HIVEP3: variants seen among roughly 807,000 people sequenced by gnomAD.
The protein encoded by HIVEP3 is HIVEP zinc finger 3.
Under a neutral mutation model 152.8 loss-of-function variants are expected in HIVEP3, and 49 were observed. That is an observed-to-expected ratio of 0.32 (90% CI 0.26 to 0.41). HIVEP3 has a LOEUF of 0.41. Ranked by LOEUF, HIVEP3 falls within the 10% of genes least tolerant of loss-of-function variation. The probability of loss-of-function intolerance (pLI) is 1.00; values close to 1 mark genes in which losing one functional copy is unlikely to be tolerated. For missense variants in HIVEP3, 2,790 were observed against 3,103.3 expected (o/e 0.90, Z 2.40); for synonymous variants, 1,269 against 1,289.0 (o/e 0.98, Z 0.33).
chr1:41,738,561 ATAG>A (rs1646951165), intron 1 of HIVEP3, among the ~76,000 whole-genome samples: 1 of 152,222 alleles, frequency 6.6e-6, no homozygotes, highest in African/African-American at 2.4e-5. Flanking sequence ...AAGCAGAAAG[ATAG>A]TAGAGTCTGA....
At chr1:41,596,050 C>T (rs1440413875) in intron 3 of HIVEP3, among the ~76,000 whole-genome samples, 5 of 152,192 alleles carry the variant, frequency 3.3e-5, no homozygotes, top group Non-Finnish European at 5.9e-5. Flanking sequence ...AATGTGGCCA[C>T]AGGAAATGTT....
intron 1 of HIVEP3, among the ~76,000 whole-genome samples, chr1:41,913,831 T>A (rs953856593): frequency 6.6e-6 from 1 of 152,206 alleles, no homozygotes; most frequent in African/African-American, 2.4e-5. Context: ...ATTTTTTCCA[T>A]ATCTTTCTAC....
intron 2 of HIVEP3, among the ~76,000 whole-genome samples, chr1:41,644,114 G>A (rs992677716): frequency 1.3e-5 from 2 of 151,906 alleles, no homozygotes; most frequent in Admixed American, 6.6e-5. Flanking sequence ...TCAAACTCCT[G>A]AGCTCAAGTG....
At chr1:41,721,488 G>A (rs188335844) in intron 1 of HIVEP3, among the ~76,000 whole-genome samples, 2 of 152,290 alleles carry the variant, frequency 1.3e-5, no homozygotes, top group Admixed American at 6.5e-5. Flanking sequence ...TTACAGATGT[G>A]AGCCACCATG....
chr1:41,817,600 T>C (rs1023494294), intron 1 of HIVEP3, among the ~76,000 whole-genome samples: 1 of 152,172 alleles, frequency 6.6e-6, no homozygotes, highest in South Asian at 2.1e-4. Flanking sequence ...CAGGAGGACC[T>C]GTGGTTCAAT....
chr1:41,528,159 T>C (rs1302719000), intron 5 of HIVEP3, among the ~76,000 whole-genome samples: 23 of 77,606 alleles, frequency 3.0e-4, no homozygotes, highest in African/African-American at 3.7e-4. Flanking sequence ...CACTCACACT[T>C]GCCCTCACAC....
At chr1:41,748,899 C>T (rs1466955744) in intron 1 of HIVEP3, among the ~76,000 whole-genome samples, 1 of 152,192 alleles carries the variant, frequency 6.6e-6, no homozygotes, top group East Asian at 1.9e-4. Context: ...TTTGAGGACT[C>T]TCAGGGGAGC....
At chr1:41,898,497 T>C (rs1644569647) in intron 1 of HIVEP3, among the ~76,000 whole-genome samples, 1 of 152,208 alleles carries the variant, frequency 6.6e-6, no homozygotes, top group Non-Finnish European at 1.5e-5. Flanking sequence ...CCATTTACCA[T>C]TACCTCCCTG....
chr1:41,722,415 T>G (rs1361619990), intron 1 of HIVEP3, among the ~76,000 whole-genome samples: 3 of 145,628 alleles, frequency 2.1e-5, no homozygotes, highest in East Asian at 2.0e-4. Flanking sequence ...CTTCCTTCCT[T>G]CCTTCCTTCC....
At chr1:41,838,718 A>G (rs1303338538) in intron 1 of HIVEP3, among the ~76,000 whole-genome samples, 1 of 152,216 alleles carries the variant, frequency 6.6e-6, no homozygotes, top group Non-Finnish European at 1.5e-5. Context: ...AATGGAGTCA[A>G]TAATACCAGT....
At position 42,026,352 on chromosome 1, in the gene HIVEP3, G is replaced by A. The variant is rs115981474; in HGVS notation, n.119+9455C>T. ...ACTAAAGTCTATATTTATTAGGATC[G>A]ACAAATGTTCTCAGGGCAAAAAGAA... On this transcript the variant is annotated intron_variant and non_coding_transcript_variant, in intron 1 of 3. Coordinates refer to the HIVEP3 transcript ENST00000489103. 7.4e-3 allele frequency among the ~76,000 whole-genome samples: 1,133 copies of A among 152,242 alleles called. 13 individuals carry two copies. The highest frequency in any genetic ancestry group is 0.026 in the African/African-American group (1,096 of 41,536).
chr1:41,902,146 T>A (rs1251689516), intron 1 of HIVEP3, among the ~76,000 whole-genome samples: 1 of 151,948 alleles, frequency 6.6e-6, no homozygotes, highest in African/African-American at 2.4e-5. Flanking sequence ...CCAGTTTAAG[T>A]GGAGGCTTAG....
intron 1 of HIVEP3, among the ~76,000 whole-genome samples, chr1:41,878,197 G>T (rs987815978): frequency 6.6e-6 from 1 of 152,126 alleles, no homozygotes; most frequent in Non-Finnish European, 1.5e-5. Context: ...CCACAAATAC[G>T]AATTAAGCAC....
At chr1:41,760,709 G>A (rs1031157201) in intron 1 of HIVEP3, among the ~76,000 whole-genome samples, 10 of 152,206 alleles carry the variant, frequency 6.6e-5, no homozygotes, top group African/African-American at 2.2e-4. Flanking sequence ...ACTAAGCCAG[G>A]AGCATGCCCA....
chr1:41,717,842 G>T (rs1473631756), intron 1 of HIVEP3, among the ~76,000 whole-genome samples: 2 of 152,074 alleles, frequency 1.3e-5, no homozygotes, highest in African/African-American at 4.8e-5. Flanking sequence ...TGTAGGGGAG[G>T]GTGAGTCAGT....
At chr1:41,569,056 G>C (rs1018592796) in intron 5 of HIVEP3, among the ~76,000 whole-genome samples, 7 of 152,134 alleles carry the variant, frequency 4.6e-5, no homozygotes, top group African/African-American at 1.7e-4. Context: ...AGAAGCACCT[G>C]CTTCCCCTTC....
intron 1 of HIVEP3, among the ~76,000 whole-genome samples, chr1:41,732,032 C>T (rs761332837): frequency 1.9e-4 from 29 of 152,156 alleles, no homozygotes; most frequent in Non-Finnish European, 3.7e-4. Context: ...GGAGAGGAAA[C>T]AAAAGATGAG....
intron 1 of HIVEP3, among the ~76,000 whole-genome samples, chr1:42,024,334 C>T (rs1319822884): frequency 2.0e-5 from 3 of 152,106 alleles, no homozygotes; most frequent in Non-Finnish European, 4.4e-5. Flanking sequence ...TATTATTTGA[C>T]AGTATATAGT....
At position 41,510,324 on chromosome 1, in the gene HIVEP3, T is replaced by C. The variant is rs561101594; in HGVS notation, c.*127A>G. 5 of 721,986 alleles carry C rather than the reference T, an allele frequency of 6.9e-6. No individual in the cohort carries two copies. Among genetic ancestry groups the C allele is most frequent in the Admixed American group, 3.8e-5 (1 of 26,126 alleles). 44.7% of individuals were successfully genotyped at this position (721,986 alleles called of 1,614,324 possible). A position where few individuals can be genotyped will look rare whatever the true frequency, so the allele number is the denominator to read the frequency against. On this transcript the variant is annotated 3_prime_UTR_variant, in exon 9 of 9. Transcript: ENST00000372583. Reference sequence around the variant, plus strand: ...TGCATACATGGGAAGGTACAACAGATGGGGCCGTGAGAGCTCCTGGACGGA... The same window carrying C: ...TGCATACATGGGAAGGTACAACAGACGGGGCCGTGAGAGCTCCTGGACGGA...
Sources: gnomAD v4.1 joint callset for allele counts (sites outside exome capture counted in the v4.1 genomes callset) on GRCh38, gnomAD v4.1.1 for gene constraint, MANE v1.5 for transcripts, NCBI Gene and HGNC (gene_info 2026-07-23, HGNC 2026-07-21) for gene names.